MRPS25: variants seen among roughly 807,000 people sequenced by gnomAD.
MRPS25 encodes the protein mitochondrial ribosomal protein S25, also known as small ribosomal subunit protein mS25.
A neutral mutation model predicts 17.3 loss-of-function variants in MRPS25; 15 were observed. That is an observed-to-expected ratio of 0.87 (90% CI 0.58 to 1.34). The LOEUF (loss-of-function observed/expected upper bound fraction) is 1.34, where lower values mean the gene tolerates loss of function less well. Ranked by LOEUF, MRPS25 falls within the 40% of genes most tolerant of loss-of-function variation. The pLI, the probability that MRPS25 is intolerant of heterozygous loss-of-function variation, is 0.00. For synonymous variants in MRPS25, 94 were observed against 83.3 expected (o/e 1.13, Z -0.70); for missense variants, 225 against 218.6 (o/e 1.03, Z -0.19).
chr3:15,052,435 T>A lies in MRPS25; in HGVS notation c.*6A>T, dbSNP rs1334445142. 1 of 1,609,908 alleles carries A rather than the reference T, an allele frequency of 6.2e-7. No individual in the cohort carries two copies. The highest frequency in any genetic ancestry group is 1.1e-5 in the South Asian group (1 of 91,008). On this transcript the variant is annotated 3_prime_UTR_variant, in exon 4 of 4. Coordinates refer to ENST00000253686, the MANE Select transcript of MRPS25 (RefSeq NM_022497.5). ...CCATCACCCCAGCCCACAGTGACCGTGGGCCTTAGTCCTGGGCATCGGCTT... is the reference window on the plus strand; with the variant it reads ...CCATCACCCCAGCCCACAGTGACCGAGGGCCTTAGTCCTGGGCATCGGCTT...
intron 3 of MRPS25, 33 bp from the exon 4 acceptor site, chr3:15,052,666 G>A: frequency 6.2e-7 from 1 of 1,603,448 alleles, no homozygotes; most frequent in African/African-American, 1.3e-5. Flanking sequence ...ACCAAGCATT[G>A]GCAACTTTGA....
intron 1 of MRPS25, among the ~76,000 whole-genome samples, chr3:15,063,669 AT>A (rs1215032212): frequency 6.6e-6 from 1 of 152,198 alleles, no homozygotes; most frequent in African/African-American, 2.4e-5. Context: ...TCACAGGCTT[AT>A]TTTGATTGGC....
Position 15,050,067 on chromosome 3 carries a change from T to G in MRPS25, c.*2374A>C. ...ATTAATTTTCTCCCATTTCTGTATA[T>G]TTTAAACCCATCTTTCATCACTACT... On this transcript the variant is annotated 3_prime_UTR_variant, in exon 4 of 4. Coordinates refer to ENST00000253686, the MANE Select transcript of MRPS25 (RefSeq NM_022497.5). 1 of 1,436,764 alleles carries G rather than the reference T, an allele frequency of 7.0e-7. No individual in the cohort carries two copies. Among genetic ancestry groups the G allele is most frequent in the Non-Finnish European group, 9.0e-7 (1 of 1,110,300 alleles). The allele number at this position is 1,436,764 out of a possible 1,614,324, so 89.0% of individuals were successfully genotyped here.
chr3:15,048,986 C>CTGT lies in MRPS25; in HGVS notation c.*3452_*3454dup, dbSNP rs2042553334. 6.6e-6 allele frequency: 1 copy of CTGT among 152,590 alleles called. No homozygotes were observed. Among genetic ancestry groups the CTGT allele is most frequent in the African/African-American group, 2.4e-5 (1 of 41,442 alleles). The allele number at this position is 152,590 out of a possible 1,614,324, so 9.5% of individuals were successfully genotyped here. The stretch of plus-strand genomic sequence containing the variant: ...TACATTTTAATGCCAGGTTTAAAAC[C>CTGT]TGTTGAAAGCTGCAGCTTTATACAG... On this transcript the variant is annotated 3_prime_UTR_variant, in exon 4 of 4. Coordinates refer to ENST00000253686, the MANE Select transcript of MRPS25 (RefSeq NM_022497.5).
chr3:15,042,750 C>T (rs1575051854), downstream of MRPS25: 3 of 1,294,196 alleles, frequency 2.3e-6, no homozygotes, highest in East Asian at 6.9e-5. Context: ...CTGTGCAATA[C>T]AGACGGGACC....
At chr3:15,059,947 T>A (rs1241493979) in intron 1 of MRPS25, among the ~76,000 whole-genome samples, 3 of 137,858 alleles carry the variant, frequency 2.2e-5, no homozygotes, top group East Asian at 4.3e-4. Flanking sequence ...TTAGAAGATT[T>A]AAACAGATTT....
chr3:15,053,696 C>T, intron 2 of MRPS25: 1 of 562,990 alleles, frequency 1.8e-6, no homozygotes, highest in Admixed American at 2.8e-5. Flanking sequence ...AATAGAAAGA[C>T]ATTCCATGTT....
chr3:15,049,638 C>T lies in MRPS25; in HGVS notation c.*2803G>A, dbSNP rs555606511. The T allele has an allele frequency of 1.1e-3, 576 of 519,542 alleles. 2 individuals are homozygous for T. The highest frequency in any genetic ancestry group is 9.7e-3 in the Middle Eastern group (20 of 2,058). The allele number at this position is 519,542 out of a possible 1,614,324, so 32.2% of individuals were successfully genotyped here. On this transcript the variant is annotated 3_prime_UTR_variant, in exon 4 of 4. Coordinates refer to ENST00000253686, the MANE Select transcript of MRPS25 (RefSeq NM_022497.5). ...TTGGCAAGCTTATTCTCTAAGGATA[C>T]GTGCTATCAAGGGCAAAAACAAGCT...
rs1028980145 is a variant in MRPS25 at position 15,050,239 on chromosome 3, G to A, written c.*2202C>T. The stretch of plus-strand genomic sequence containing the variant: ...CACACAGGCAGTAACTGCACCACAG[G>A]ACTGCTGCTGTCTCCACACGTCCTT... On this transcript the variant is annotated 3_prime_UTR_variant, in exon 4 of 4. Coordinates refer to ENST00000253686, the MANE Select transcript of MRPS25 (RefSeq NM_022497.5). 43 of 1,148,786 alleles carry A rather than the reference G, an allele frequency of 3.7e-5. No individual in the cohort carries two copies. The highest frequency in any genetic ancestry group is 4.5e-5 in the Non-Finnish European group (42 of 932,950). The allele number at this position is 1,148,786 out of a possible 1,614,324, so 71.2% of individuals were successfully genotyped here.
rs35071871 is a variant in MRPS25 at position 15,060,515 on chromosome 3, C to CAAAA, written c.135-1044_135-1041dup. Reference sequence around the variant, plus strand: ...TAGGCGACAGAGCAAGGTCCTCTCTCAAAAAAAAAAAAAAAAAAAGAAAAG... The same window carrying CAAAA: ...TAGGCGACAGAGCAAGGTCCTCTCTCAAAAAAAAAAAAAAAAAAAAAAAGAAAAG... On this transcript the variant is annotated intron_variant, in intron 1 of 3. Transcript: ENST00000253686. 8.6e-3 allele frequency among the ~76,000 whole-genome samples: 694 copies of CAAAA among 81,074 alleles called. 13 individuals are homozygous for CAAAA. Among genetic ancestry groups the CAAAA allele is most frequent in the African/African-American group, 0.034 (628 of 18,728 alleles). 53.2% of individuals were successfully genotyped at this position (81,074 alleles called of 152,430 possible).
At chr3:15,053,359 A>C in intron 3 of MRPS25, 21 bp downstream of exon 3, 4 of 1,614,170 alleles carry the variant, frequency 2.5e-6, no homozygotes, top group Non-Finnish European at 3.4e-6. Flanking sequence ...TGTTCCTTCC[A>C]GGTCAAACCA....
At chr3:15,061,079 G>A (rs1049896358) in intron 1 of MRPS25, among the ~76,000 whole-genome samples, 3 of 152,068 alleles carry the variant, frequency 2.0e-5, no homozygotes, top group Non-Finnish European at 4.4e-5. Context: ...AAATAAACTA[G>A]GACATAGCCA....
intron 1 of MRPS25, among the ~76,000 whole-genome samples, chr3:15,064,764 C>G (rs2125140430): frequency 6.6e-6 from 1 of 152,380 alleles, no homozygotes; most frequent in Admixed American, 6.5e-5. Flanking sequence ...CCAGAGGGGC[C>G]AAGGGAACTG....
At chr3:15,059,298 C>G (rs928088258) in intron 2 of MRPS25, 71 bp downstream of exon 2, 1 of 1,069,470 alleles carries the variant, frequency 9.4e-7, no homozygotes. Context: ...CCTGACGCTC[C>G]CATAGGAAGG....
chr3:15,044,820 C>T (rs186799028), downstream of MRPS25: 1 of 152,366 alleles, frequency 6.6e-6, no homozygotes, highest in Admixed American at 6.5e-5. Flanking sequence ...CAAGGCAGAA[C>T]AGGATGCTTG....
In MRPS25 at chr3:15,052,585, T is replaced by C; in HGVS notation, c.378A>G (p.Pro126=). The C allele has an allele frequency of 6.2e-7, 1 of 1,614,200 alleles. No homozygotes were observed. Among genetic ancestry groups the C allele is most frequent in the Non-Finnish European group, 8.5e-7 (1 of 1,180,026 alleles). The change falls in exon 4 of 4, where the codon CCA becomes CCG. Residue 126 remains proline, a synonymous_variant. Coordinates refer to ENST00000253686, the MANE Select transcript of MRPS25 (RefSeq NM_022497.5). ...AGTACTTTCGAGGGCCGAAGTTGGC[T>C]GGGTGAGAAAGCTGCTTTTTCTCCT... The part of the protein sequence containing the change: ...EEEEKKQLSH[P]ANFGPRKYCL...
chr3:15,055,900 C>CGT (rs2042665348), intron 2 of MRPS25, among the ~76,000 whole-genome samples: 1 of 126,156 alleles, frequency 7.9e-6, no homozygotes, highest in Non-Finnish European at 1.7e-5. Flanking sequence ...GAAAGCAGCC[C>CGT]GTTTTTTTTT....
chr3:15,050,751 C>G lies in MRPS25; in HGVS notation c.*1690G>C. On this transcript the variant is annotated 3_prime_UTR_variant, in exon 4 of 4. Transcript: ENST00000253686. The stretch of plus-strand genomic sequence containing the variant: ...CAAGGAACACCTGTCCATTATACAT[C>G]AGTCTCTGCCCACCTTCCCCTCCCA... The G allele has an allele frequency of 1.0e-6, 1 of 985,466 alleles. No individual in the cohort carries two copies. The highest frequency in any genetic ancestry group is 1.2e-6 in the Non-Finnish European group (1 of 829,944). 61.0% of individuals were successfully genotyped at this position (985,466 alleles called of 1,614,324 possible). A position where few individuals can be genotyped will look rare whatever the true frequency, so the allele number is the denominator to read the frequency against.
At chr3:15,059,512 T>A in intron 1 of MRPS25, 37 bp from the exon 2 acceptor site, 1 of 1,430,864 alleles carries the variant, frequency 7.0e-7, no homozygotes, top group Non-Finnish European at 9.8e-7. Flanking sequence ...TGAAACAGAG[T>A]TTTTAGCCTG....
Sources: gnomAD v4.1 joint callset for allele counts (sites outside exome capture counted in the v4.1 genomes callset) on GRCh38, gnomAD v4.1.1 for gene constraint, MANE v1.5 for transcripts, NCBI Gene and HGNC (gene_info 2026-07-23, HGNC 2026-07-21) for gene names.